SUN3: variants seen among roughly 807,000 people sequenced by gnomAD.
SUN3 encodes SUN domain-containing protein 3.
A neutral mutation model predicts 48.2 loss-of-function variants in SUN3; 36 were observed. The ratio of observed to expected loss-of-function variants is 0.75; its 90% CI spans 0.57 to 0.99. The LOEUF (loss-of-function observed/expected upper bound fraction) is 0.99. SUN3 is among the 50% of genes least tolerant of loss of function. The pLI is 0.00. For missense variants in SUN3, 419 were observed against 433.1 expected, an observed-to-expected ratio of 0.97 and a Z score of 0.29; for synonymous variants, 148 against 147.9, an observed-to-expected ratio of 1.00 and a Z score of 0.00.
chr7:47,990,529 G>A (rs1271387571), intron 8 of SUN3, among the ~76,000 whole-genome samples: 1 of 150,900 alleles, frequency 6.6e-6, no homozygotes, highest in Non-Finnish European at 1.5e-5. Context: ...GGTCCCCTGG[G>A]CCCACTCTTC....
intron 3 of SUN3, 129 bp from the exon 4 acceptor site, chr7:48,009,204 A>G: frequency 2.4e-6 from 2 of 819,914 alleles, no homozygotes; most frequent in East Asian, 2.7e-5. Context: ...GCTGGAACTC[A>G]GGAGCGTCCT....
chr7:48,030,102 C>G (rs112023034), upstream of SUN3, among the ~76,000 whole-genome samples: 463 of 152,310 alleles, frequency 3.0e-3, 7 homozygotes, highest in African/African-American at 0.01. Context: ...CCTCAATTTT[C>G]TTAGAATGGT....
chr7:48,035,193 T>C, the SUN3 span, among the ~76,000 whole-genome samples: 8 of 152,236 alleles, frequency 5.3e-5, no homozygotes, highest in Admixed American at 2.6e-4. The surrounding 1 kb of genome is among the most constrained non-coding windows in gnomAD (Gnocchi z 4.0). Flanking sequence ...GTAACTGTGG[T>C]TCCCAGCCAG....
chr7:47,987,769 A>G (rs1372468886), intron 9 of SUN3, among the ~76,000 whole-genome samples: 1 of 152,184 alleles, frequency 6.6e-6, no homozygotes, highest in African/African-American at 2.4e-5. Context: ...CCAGGGCTCA[A>G]ATGATTTACC....
chr7:48,004,877 C>T (rs182600356), intron 6 of SUN3, among the ~76,000 whole-genome samples: 4 of 152,350 alleles, frequency 2.6e-5, no homozygotes, highest in East Asian at 1.9e-4. Flanking sequence ...TTTTAGCCCA[C>T]TCACGTAGTT....
At chr7:47,991,705 G>T (rs373956751) in intron 8 of SUN3, among the ~76,000 whole-genome samples, 15 of 152,270 alleles carry the variant, frequency 9.9e-5, no homozygotes, top group African/African-American at 3.6e-4. Context: ...AACTACTCGG[G>T]CTGTACGTGG....
upstream of SUN3, among the ~76,000 whole-genome samples, chr7:48,031,832 G>GCACACACA (rs3073706): frequency 0.056 from 7,908 of 142,258 alleles, 282 homozygotes; most frequent in Middle Eastern, 0.1. Flanking sequence ...TGTGATTTAT[G>GCACACACA]CACACACACA....
intron 6 of SUN3, among the ~76,000 whole-genome samples, chr7:48,003,669 A>T (rs1025306398): frequency 6.6e-6 from 1 of 152,170 alleles, no homozygotes; most frequent in African/African-American, 2.4e-5. Context: ...TTTTGTGGCA[A>T]TTGTGAATGG....
intron 5 of SUN3, among the ~76,000 whole-genome samples, chr7:48,006,406 C>G (rs1319724833): frequency 6.6e-6 from 1 of 152,128 alleles, no homozygotes; most frequent in African/African-American, 2.4e-5. Context: ...TCATTAGTGT[C>G]CTGTGGTTAG....
intron 8 of SUN3, among the ~76,000 whole-genome samples, chr7:47,990,441 A>C (rs942407039): frequency 4.8e-4 from 73 of 152,034 alleles, no homozygotes; most frequent in Non-Finnish European, 7.2e-4. Context: ...CTCTCCGAGA[A>C]ACACCCCATA....
intron 4 of SUN3, among the ~76,000 whole-genome samples, chr7:48,008,433 A>G (rs777423066): frequency 6.6e-6 from 1 of 152,216 alleles, no homozygotes; most frequent in Non-Finnish European, 1.5e-5. Context: ...CTATTTTAAA[A>G]TTATTTAAAT....
intron 3 of SUN3, among the ~76,000 whole-genome samples, chr7:48,015,159 T>A (rs1223765838): frequency 6.6e-6 from 1 of 152,226 alleles, no homozygotes; most frequent in Non-Finnish European, 1.5e-5. Context: ...GGAGCCACCA[T>A]GACCACTCTG....
chr7:48,016,128 C>T (rs1020167164), intron 3 of SUN3, among the ~76,000 whole-genome samples: 6 of 151,982 alleles, frequency 3.9e-5, no homozygotes, highest in African/African-American at 9.7e-5. Flanking sequence ...CTGATACCAC[C>T]CAGGCCAGTA....
the SUN3 span, chr7:48,035,505 G>T: frequency 2.9e-6 from 2 of 697,442 alleles, no homozygotes; most frequent in South Asian, 3.0e-5. This position sits in a 1 kb window ranked among gnomAD's most constrained non-coding sequence, Gnocchi z 4.0. Flanking sequence ...TTGCCCTGGC[G>T]ACGCCGATGT....
Position 47,994,275 on chromosome 7 carries a change from A to T in SUN3, c.861+40T>A, listed in dbSNP as rs376459386. Reference sequence around the variant, plus strand: ...CCTAATTCCTAGCCAACCACCTTCTATCAGGCCAATCTGAATGACAAATTT... The same window carrying T: ...CCTAATTCCTAGCCAACCACCTTCTTTCAGGCCAATCTGAATGACAAATTT... On this transcript the variant is annotated intron_variant, in intron 8 of 9. Transcript: ENST00000297325. 1.4e-5 allele frequency: 23 copies of T among 1,607,474 alleles called. No individual in the cohort carries two copies. The African/African-American group carries it at 2.3e-4, about 16-fold the overall frequency.
chr7:47,992,724 G>T (rs11773348), intron 8 of SUN3, among the ~76,000 whole-genome samples: 5 of 151,706 alleles, frequency 3.3e-5, no homozygotes, highest in African/African-American at 1.2e-4. Flanking sequence ...TGAAAAGAAA[G>T]TGAAGGAAGG....
At chr7:48,024,669 G>A (rs1790086718) in intron 2 of SUN3, among the ~76,000 whole-genome samples, 1 of 152,122 alleles carries the variant, frequency 6.6e-6, no homozygotes, top group African/African-American at 2.4e-5. Flanking sequence ...TCTACAACTG[G>A]TGAGGGTCTC....
At chr7:48,033,920 A>G (rs1198189854), upstream of SUN3, among the ~76,000 whole-genome samples, 1 of 152,112 alleles carries the variant, frequency 6.6e-6, no homozygotes, top group Non-Finnish European at 1.5e-5. Flanking sequence ...CAGGCGTGGT[A>G]GCACGTGCCT....
the SUN3 span, chr7:48,035,642 C>T: frequency 2.5e-5 from 17 of 674,318 alleles, no homozygotes; most frequent in African/African-American, 2.7e-4. The surrounding 1 kb of genome is among the most constrained non-coding windows in gnomAD (Gnocchi z 4.0). Context: ...TGAGCCTGAG[C>T]GGGCTGGAGG....
Sources: allele counts gnomAD v4.1 joint callset (sites outside exome capture counted in the v4.1 genomes callset), GRCh38; gene constraint gnomAD v4.1.1; non-coding constraint Gnocchi (gnomAD v3.1); transcripts MANE v1.5; gene names NCBI Gene and HGNC (gene_info 2026-07-23, HGNC 2026-07-21).